PDE1B: variants seen among roughly 807,000 people sequenced by gnomAD.
The protein encoded by PDE1B is dual specificity calcium/calmodulin-dependent 3',5'-cyclic nucleotide phosphodiesterase 1B.
Under a neutral mutation model 66.7 loss-of-function variants are expected in PDE1B, and 13 were observed. The ratio of observed to expected loss-of-function variants is 0.19; its 90% CI spans 0.13 to 0.31. PDE1B has a LOEUF of 0.31. Among genes scored for constraint, PDE1B ranks in the 10% least tolerant of loss-of-function variants. The pLI is 1.00. For missense variants in PDE1B, 485 were observed against 682.3 expected (o/e 0.71, Z 3.22); for synonymous variants, 230 against 253.9 (o/e 0.91, Z 0.90).
At chr12:54,558,962 CCCATT>C (rs1565693356) in intron 2 of PDE1B, among the ~76,000 whole-genome samples, 12 of 152,184 alleles carry the variant, frequency 7.9e-5, no homozygotes, top group African/African-American at 2.9e-4. Context: ...GTATTATTTA[CCCATT>C]TTACAGACCA....
rs1308220489 is a variant in PDE1B, at chr12:54,570,292, G to C, written c.529G>C (p.Asp177His). ...CTTTTCCTTGAACCAGGCAGCAGATGACCATGCCCTGAGGACCATTGTTTT... is the reference window on the plus strand; with the variant it reads ...CTTTTCCTTGAACCAGGCAGCAGATCACCATGCCCTGAGGACCATTGTTTT... ...DVFSLNQAAD[D>H]HALRTIVFEL... The change falls in exon 6 of 16, where the codon GAC becomes CAC. Residue 177 changes from aspartate to histidine, a missense_variant. This residue lies in a region of PDE1B where 282 missense variants were observed against 453.4 expected (regional missense o/e 0.62). Transcript: ENST00000243052. The C allele has an allele frequency of 6.2e-7, 1 of 1,613,762 alleles. No homozygotes were observed. The highest frequency in any genetic ancestry group is 1.3e-5 in the African/African-American group (1 of 74,874).
intron 2 of PDE1B, among the ~76,000 whole-genome samples, chr12:54,558,533 C>T (rs992954932): frequency 1.3e-5 from 2 of 152,180 alleles, no homozygotes; most frequent in African/African-American, 2.4e-5. Flanking sequence ...CAATGGAAGC[C>T]AGAAGCCAGG....
chr12:54,559,731 A>G (rs1014543826), intron 2 of PDE1B, among the ~76,000 whole-genome samples: 2 of 152,156 alleles, frequency 1.3e-5, no homozygotes, highest in African/African-American at 4.8e-5. Context: ...AGTCTAAGAA[A>G]TCTTTACTTT....
chr12:54,567,191 GAAGA>G, intron 3 of PDE1B, 104 bp downstream of exon 3: 1 of 607,932 alleles, frequency 1.6e-6, no homozygotes, highest in Non-Finnish European at 2.9e-6. Context: ...ACAGAGACCG[GAAGA>G]AAGAGAGAGG....
chr12:54,560,836 CTG>C (rs1222388507), intron 2 of PDE1B, among the ~76,000 whole-genome samples: 1 of 152,164 alleles, frequency 6.6e-6, no homozygotes, highest in Non-Finnish European at 1.5e-5. Context: ...AATGAGAAAA[CTG>C]GGGCTGGGGG....
intron 2 of PDE1B, among the ~76,000 whole-genome samples, chr12:54,553,369 A>G (rs1957303747): frequency 6.6e-6 from 1 of 152,194 alleles, no homozygotes; most frequent in Non-Finnish European, 1.5e-5. Flanking sequence ...TTGGGACAGT[A>G]TAGACATAGT....
intron 2 of PDE1B, 74 bp from the exon 3 acceptor site, chr12:54,566,900 C>T: frequency 8.0e-6 from 5 of 628,596 alleles, no homozygotes; most frequent in African/African-American, 1.9e-5. Context: ...TAAAATGTAC[C>T]TTATTAGGGA....
chr12:54,577,652 C>T, intron 15 of PDE1B: 15 of 1,182,516 alleles, frequency 1.3e-5, no homozygotes, highest in Non-Finnish European at 1.7e-5. Context: ...GGAAAAGGAG[C>T]CCAGCCAGGG....
intron 2 of PDE1B, 21 bp downstream of exon 2, chr12:54,550,006 TG>T (rs752930777): frequency 1.2e-6 from 2 of 1,606,926 alleles, no homozygotes; most frequent in African/African-American, 1.3e-5. Flanking sequence ...GGCCCGGGAA[TG>T]GGGGGAAGGG....
chr12:54,572,585 C>T lies in PDE1B; in HGVS notation c.595-16C>T. ...TGGATCCTTGATATATCTCCATTTC[C>T]CCTAACTCCCCGCAGATTCCCACTG... is the stretch of plus-strand genomic sequence containing the variant. On this transcript the variant is annotated splice_polypyrimidine_tract_variant and intron_variant, in intron 6 of 15. Transcript: ENST00000243052. 2.5e-6 allele frequency: 4 copies of T among 1,611,778 alleles called. No homozygotes were observed. The highest frequency in any genetic ancestry group is 2.2e-5 in the East Asian group (1 of 44,818).
chr12:54,570,250 C>A lies in PDE1B; in HGVS notation c.487C>A (p.Leu163Ile). 6.2e-7 allele frequency: 1 copy of A among 1,606,340 alleles called. No individual in the cohort carries two copies. Among genetic ancestry groups the A allele is most frequent in the Non-Finnish European group, 8.5e-7 (1 of 1,172,890 alleles). ...TATTGTTTCTCCATAGAACCTGGAT[C>A]TCTGGTGCTTTGATGTCTTTTCCTT... Reference protein sequence around the residue: ...AVLNCLKNLDLWCFDVFSLNQ... With the variant: ...AVLNCLKNLDIWCFDVFSLNQ... The change falls in exon 6 of 16, where the codon CTC (leucine) becomes ATC (isoleucine). Residue 163 changes from leucine (L) to isoleucine (I), a missense_variant. Around this residue, in one of 4 missense-constraint regions of PDE1B, gnomAD observed 282 missense variants for 453.4 expected, o/e 0.62. Transcript: ENST00000243052.
chr12:54,572,687 C>T lies in PDE1B; in HGVS notation c.681C>T (p.His227=), dbSNP rs115951482. 4.4e-4 allele frequency: 717 copies of T among 1,614,130 alleles called. 2 individuals carry two copies. In the African/African-American group the frequency reaches 8.2e-3, roughly 18 times the overall value. ...AGAATCCTTACCACAACCAGATCCA[C>T]GCAGCCGATGTTACCCAGACAGTCC... ...KYKNPYHNQI[H]AADVTQTVHC... is the part of the protein sequence containing the mutation. Residue 227 remains histidine, a synonymous_variant, in exon 7 of 16, where the codon CAC becomes CAT. Coordinates refer to ENST00000243052, the MANE Select transcript of PDE1B (RefSeq NM_000924.4).
chr12:54,573,784 T>G lies in PDE1B; in HGVS notation c.1064+75T>G, dbSNP rs1592385705. ...TGAACTGGGGGGGTATACACAAGGGTAGTTGGTGTGCCAGGTCTTTACCTC... is the reference window on the plus strand; with the variant it reads ...TGAACTGGGGGGGTATACACAAGGGGAGTTGGTGTGCCAGGTCTTTACCTC... On this transcript the variant is annotated intron_variant, in intron 10 of 15. Transcript: ENST00000243052. The surrounding 1 kb of genome is among the most constrained non-coding windows in gnomAD (Gnocchi z 5.2). The G allele has an allele frequency of 9.3e-7, 1 of 1,076,934 alleles. No homozygotes were observed. The highest frequency in any genetic ancestry group is 1.4e-6 in the Non-Finnish European group (1 of 699,286). 66.7% of individuals were successfully genotyped at this position (1,076,934 alleles called of 1,614,324 possible).
intron 1 of PDE1B, 43 bp downstream of exon 1, chr12:54,549,815 G>C: frequency 3.6e-6 from 5 of 1,377,796 alleles, no homozygotes; most frequent in African/African-American, 2.8e-5. Flanking sequence ...TCTCGGCTGG[G>C]GCTGAAGCTG....
At chr12:54,552,795 T>C (rs896989267) in intron 2 of PDE1B, among the ~76,000 whole-genome samples, 7 of 152,210 alleles carry the variant, frequency 4.6e-5, no homozygotes, top group Non-Finnish European at 7.3e-5. Flanking sequence ...CTGGAGATGA[T>C]GAGTTGGCCA....
intron 2 of PDE1B, among the ~76,000 whole-genome samples, chr12:54,554,054 T>A (rs1471724055): frequency 6.6e-6 from 1 of 152,176 alleles, no homozygotes; most frequent in East Asian, 1.9e-4. Context: ...ATGATGTATG[T>A]GTGTATGTAG....
intron 2 of PDE1B, among the ~76,000 whole-genome samples, chr12:54,555,892 C>T (rs1363260289): frequency 6.6e-6 from 1 of 152,170 alleles, no homozygotes; most frequent in East Asian, 1.9e-4. Context: ...ATCAGTACTT[C>T]TCCTCCCTCA....
Position 54,575,100 on chromosome 12 carries a change from T to C in PDE1B, c.1067T>C (p.Ile356Thr), listed in dbSNP as rs1339631982. 2 of 1,613,698 alleles carry C rather than the reference T, an allele frequency of 1.2e-6. No homozygotes were observed. The highest frequency in any genetic ancestry group is 1.3e-5 in the African/African-American group (1 of 74,888). The change falls in exon 11 of 16, where the codon ATT (isoleucine) becomes ACT (threonine). Residue 356 changes from isoleucine to threonine, a missense_variant and splice_region_variant. Transcript: ENST00000243052. The surrounding 1 kb of genome is among the most constrained non-coding windows in gnomAD (Gnocchi z 4.0). ...CCCTTGCCATCTGCCCCAACCAGGA[T>C]TGACAAGCCCAAGGCCCTGTCTCTA... ...MKTALQQLER[I>T]DKPKALSLLL...
chr12:54,577,276 C>A lies in PDE1B; in HGVS notation c.1559C>A (p.Ala520Asp), dbSNP rs748147844. 1 of 1,612,078 alleles carries A rather than the reference C, an allele frequency of 6.2e-7. No individual in the cohort carries two copies. The highest frequency in any genetic ancestry group is 2.2e-5 in the East Asian group (1 of 44,802). The stretch of plus-strand genomic sequence containing the variant: ...GAGCTGTCCCCCTGTGAAGAAGAGG[C>A]CCCCCCATCCCCTGCCGAAGATGAA... ...IDELSPCEEE[A>D]PPSPAEDEHN... Residue 520 changes from alanine (A) to aspartate (D), a missense_variant, in exon 15 of 16, where the codon GCC becomes GAC. Transcript: ENST00000243052.
Sources: allele counts gnomAD v4.1 joint callset (sites outside exome capture counted in the v4.1 genomes callset), GRCh38; gene constraint gnomAD v4.1.1; regional missense constraint gnomAD v4.1.1; non-coding constraint Gnocchi (gnomAD v3.1); transcripts MANE v1.5; gene names NCBI Gene and HGNC (gene_info 2026-07-23, HGNC 2026-07-21).